C12orf42: variants seen among roughly 807,000 people sequenced by gnomAD.
C12orf42 encodes the protein chromosome 12 open reading frame 42, also known as uncharacterized protein C12orf42.
A neutral mutation model predicts 21.6 loss-of-function variants in C12orf42; 25 were observed. The ratio of observed to expected loss-of-function variants is 1.16; its 90% CI spans 0.84 to 1.62. The LOEUF is 1.62. Ranked by LOEUF, C12orf42 falls within the 40% of genes most tolerant of loss-of-function variation. The pLI is 0.00. For missense variants in C12orf42, 483 were observed against 459.3 expected, an observed-to-expected ratio of 1.05 and a Z score of -0.47; for synonymous variants, 174 against 175.0, an observed-to-expected ratio of 0.99 and a Z score of 0.05.
chr12:103,381,372 C>A (rs1024705292), intron 3 of C12orf42, among the ~76,000 whole-genome samples: 1 of 152,174 alleles, frequency 6.6e-6, no homozygotes. Context: ...GCGTCCCAAG[C>A]AAAGCTCTTA....
chr12:103,463,534 C>T (rs1176869376), intron 2 of C12orf42, among the ~76,000 whole-genome samples: 1 of 152,138 alleles, frequency 6.6e-6, no homozygotes, highest in Non-Finnish European at 1.5e-5. Context: ...TGTTTCAAAG[C>T]CACAGCCCTA....
At chr12:103,527,778 T>G in the C12orf42 span, among the ~76,000 whole-genome samples, 1 of 152,206 alleles carries the variant, frequency 6.6e-6, no homozygotes, top group Non-Finnish European at 1.5e-5. Context: ...ACCACATGCC[T>G]TCACAATGTT....
chr12:103,185,471 C>CCCTT, the C12orf42 span, among the ~76,000 whole-genome samples: 266 of 151,624 alleles, frequency 1.8e-3, no homozygotes, highest in African/African-American at 5.2e-3. Context: ...CCTTCTTTTT[C>CCCTT]CCTTCCTTCC....
the C12orf42 span, among the ~76,000 whole-genome samples, chr12:103,070,716 G>A: frequency 6.6e-6 from 1 of 152,096 alleles, no homozygotes; most frequent in East Asian, 1.9e-4. Context: ...AAGAGAAGAT[G>A]TCTTATTCTG....
At chr12:103,051,376 T>A in the C12orf42 span, among the ~76,000 whole-genome samples, 1 of 152,120 alleles carries the variant, frequency 6.6e-6, no homozygotes, top group Non-Finnish European at 1.5e-5. Flanking sequence ...AGGACCAACA[T>A]TTCTTTTTTT....
intron 4 of C12orf42, among the ~76,000 whole-genome samples, chr12:103,291,083 G>C (rs1450317594): frequency 2.0e-5 from 3 of 152,156 alleles, no homozygotes; most frequent in African/African-American, 7.2e-5. Flanking sequence ...TAAATGGTTA[G>C]AGGTGGTTGG....
the C12orf42 span, chr12:103,505,643 G>GC: frequency 4.0e-6 from 1 of 250,372 alleles, no homozygotes; most frequent in Non-Finnish European, 7.6e-6. Context: ...AGTTAGCACT[G>GC]CCCAGGCCCC....
chr12:103,449,934 TATTTA>T (rs1317884061), intron 2 of C12orf42, among the ~76,000 whole-genome samples: 1 of 151,806 alleles, frequency 6.6e-6, no homozygotes, highest in Non-Finnish European at 1.5e-5. Flanking sequence ...TTTTAAATTT[TATTTA>T]ATGTATCTTA....
chr12:103,048,846 G>A, the C12orf42 span, among the ~76,000 whole-genome samples: 3 of 152,112 alleles, frequency 2.0e-5, no homozygotes, highest in African/African-American at 7.2e-5. Context: ...CTCACAAGAA[G>A]CCCAGAAATC....
At chr12:103,053,700 T>C in the C12orf42 span, among the ~76,000 whole-genome samples, 3 of 151,758 alleles carry the variant, frequency 2.0e-5, no homozygotes, top group African/African-American at 4.8e-5. Context: ...TTTCTCCTAC[T>C]TTTTTTTAAA....
chr12:103,086,667 C>G, the C12orf42 span, among the ~76,000 whole-genome samples: 1 of 151,818 alleles, frequency 6.6e-6, no homozygotes, highest in Non-Finnish European at 1.5e-5. Flanking sequence ...TTCTTAATCC[C>G]TTCATTTTGA....
At chr12:103,330,821 A>G (rs772657502) in intron 4 of C12orf42, among the ~76,000 whole-genome samples, 3 of 152,162 alleles carry the variant, frequency 2.0e-5, no homozygotes, top group Non-Finnish European at 4.4e-5. Flanking sequence ...AGGGAAAGAG[A>G]ATATGACTAA....
At chr12:103,543,777 C>T in the C12orf42 span, among the ~76,000 whole-genome samples, 1 of 152,088 alleles carries the variant, frequency 6.6e-6, no homozygotes, top group Non-Finnish European at 1.5e-5. Flanking sequence ...TCTTACTAAT[C>T]AGTCTGTCTT....
chr12:103,305,562 T>A (rs140635249), intron 5 of C12orf42, among the ~76,000 whole-genome samples: 8 of 152,268 alleles, frequency 5.3e-5, no homozygotes, highest in African/African-American at 1.9e-4. Context: ...TCCTCCTATA[T>A]CCTGTGCTAT....
intron 3 of C12orf42, among the ~76,000 whole-genome samples, chr12:103,383,227 G>A (rs1298049780): frequency 6.6e-6 from 1 of 151,616 alleles, no homozygotes; most frequent in Admixed American, 6.6e-5. Context: ...TCAGCCACTC[G>A]AGTAGCTGAG....
chr12:103,139,572 A>C, the C12orf42 span, among the ~76,000 whole-genome samples: 1 of 152,188 alleles, frequency 6.6e-6, no homozygotes, highest in South Asian at 2.1e-4. Flanking sequence ...GACCAAAAAA[A>C]ATTATGACGT....
the C12orf42 span, among the ~76,000 whole-genome samples, chr12:103,165,255 A>C: frequency 6.6e-6 from 1 of 152,248 alleles, no homozygotes; most frequent in Non-Finnish European, 1.5e-5. Flanking sequence ...TGCATTCTTT[A>C]TCCGCATAAG....
intron 3 of C12orf42, among the ~76,000 whole-genome samples, chr12:103,393,348 A>T (rs1450195980): frequency 6.6e-6 from 1 of 152,144 alleles, no homozygotes; most frequent in Non-Finnish European, 1.5e-5. Flanking sequence ...GGGAGGTGCC[A>T]CACTTTACAA....
chr12:103,268,511 C>T (rs568957913), downstream of C12orf42: 270 of 150,290 alleles, frequency 1.8e-3, 1 homozygote, highest in African/African-American at 5.8e-3. Context: ...AAAAAAAAAC[C>T]GCCACCACTC....
Sources: gnomAD v4.1 joint callset for allele counts (sites outside exome capture counted in the v4.1 genomes callset) on GRCh38, gnomAD v4.1.1 for gene constraint, MANE v1.5 for transcripts, NCBI Gene and HGNC (gene_info 2026-07-23, HGNC 2026-07-21) for gene names.